The following PELI2 variants were observed in gnomAD, a reference collection of about 807,000 sequenced individuals.
The protein encoded by PELI2 is pellino E3 ubiquitin protein ligase family member 2.
Under a neutral mutation model 42.3 loss-of-function variants are expected in PELI2, and 23 were observed. That is an observed-to-expected ratio of 0.54 (90% CI 0.39 to 0.77). PELI2 has a LOEUF of 0.77. Ranked by LOEUF, PELI2 falls within the 30% of genes least tolerant of loss-of-function variation. The probability of loss-of-function intolerance (pLI) is 0.00; values close to 1 mark genes in which losing one functional copy is unlikely to be tolerated. For synonymous variants in PELI2, 245 were observed against 212.2 expected (o/e 1.15, Z -1.34); for missense variants, 463 against 553.2 (o/e 0.84, Z 1.64).
At chr14:56,238,019 A>G (rs1887856759) in intron 2 of PELI2, among the ~76,000 whole-genome samples, 1 of 152,160 alleles carries the variant, frequency 6.6e-6, no homozygotes, top group Admixed American at 6.5e-5. Context: ...TTCTTTTTTA[A>G]TGGGCATATT....
chr14:56,153,490 G>C (rs926585774), intron 1 of PELI2, among the ~76,000 whole-genome samples: 3 of 152,102 alleles, frequency 2.0e-5, no homozygotes, highest in African/African-American at 7.2e-5. Context: ...TATTCTTTTA[G>C]GCATTGATCC....
intron 2 of PELI2, among the ~76,000 whole-genome samples, chr14:56,240,686 G>A (rs925903058): frequency 6.6e-6 from 1 of 152,090 alleles, no homozygotes; most frequent in African/African-American, 2.4e-5. Context: ...AAGAGGAAAC[G>A]GAGTAGCTCT....
intron 5 of PELI2, among the ~76,000 whole-genome samples, chr14:56,295,242 G>A (rs938374640): frequency 6.6e-6 from 1 of 152,068 alleles, no homozygotes; most frequent in African/African-American, 2.4e-5. Context: ...TTCTAGAAGT[G>A]ACCTTTTTGA....
intron 3 of PELI2, among the ~76,000 whole-genome samples, chr14:56,283,057 T>G (rs1157955162): frequency 6.6e-6 from 1 of 152,214 alleles, no homozygotes; most frequent in Non-Finnish European, 1.5e-5. Context: ...TGTGAGACAT[T>G]AAATTCCTTT....
intron 2 of PELI2, among the ~76,000 whole-genome samples, chr14:56,185,001 T>A (rs975703104): frequency 6.6e-6 from 1 of 152,122 alleles, no homozygotes; most frequent in Non-Finnish European, 1.5e-5. Flanking sequence ...AAATGTGTAA[T>A]TCATATTATT....
chr14:56,158,513 T>G lies in PELI2; in HGVS notation c.78-19822T>G, dbSNP rs138659114. 2.0e-4 allele frequency among the ~76,000 whole-genome samples: 30 copies of G among 151,706 alleles called. No individual in the cohort carries two copies. The East Asian group carries it at 5.8e-3, about 30-fold the overall frequency. On this transcript the variant is annotated intron_variant, in intron 1 of 5. Transcript: ENST00000267460. The stretch of plus-strand genomic sequence containing the variant: ...CATGCCACCACACCTGGCTAATTTT[T>G]ATATTTTATTTATTTACTTTTTGTA...
chr14:56,229,783 G>A (rs942387438), intron 2 of PELI2, among the ~76,000 whole-genome samples: 9 of 152,038 alleles, frequency 5.9e-5, no homozygotes, highest in Non-Finnish European at 8.8e-5. Context: ...TCAGACGATC[G>A]GTAATAATAA....
At chr14:56,244,906 A>G (rs1031179897) in intron 2 of PELI2, among the ~76,000 whole-genome samples, 1 of 152,220 alleles carries the variant, frequency 6.6e-6, no homozygotes, top group Non-Finnish European at 1.5e-5. Context: ...CAATGACAGA[A>G]ATAAGAAATA....
At chr14:56,249,927 C>G (rs1888285943) in intron 2 of PELI2, among the ~76,000 whole-genome samples, 4 of 152,160 alleles carry the variant, frequency 2.6e-5, no homozygotes, top group Non-Finnish European at 4.4e-5. Context: ...TTTGGGAGAT[C>G]TGTTTGACTT....
chr14:56,119,103 G>T (rs1254781216), intron 1 of PELI2: 1 of 152,970 alleles, frequency 6.5e-6, no homozygotes, highest in Non-Finnish European at 1.5e-5. Flanking sequence ...GGCGGGCAGG[G>T]ACTCCATGTG....
rs4038318 is a variant in PELI2, at chr14:56,197,969, GAC to G, written c.207+19548_207+19549del. On this transcript the variant is annotated intron_variant, in intron 2 of 5. Transcript: ENST00000267460. The surrounding 1 kb of genome is among the most constrained non-coding windows in gnomAD (Gnocchi z 4.9). ...CACACCAGGGATCATGACTGGTGAA[GAC>G]ACACACACACACACACACACACACA... Among the ~76,000 whole-genome samples, 4,444 of 129,638 alleles carry G rather than the reference GAC, an allele frequency of 0.034. 72 individuals are homozygous for G. Among genetic ancestry groups the G allele is most frequent in the East Asian group, 0.086 (368 of 4,270 alleles). 85.0% of individuals were successfully genotyped at this position (129,638 alleles called of 152,430 possible).
chr14:56,275,209 G>A (rs1255217790), intron 2 of PELI2, among the ~76,000 whole-genome samples: 2 of 152,064 alleles, frequency 1.3e-5, no homozygotes, highest in Non-Finnish European at 2.9e-5. Context: ...GGCGACCTGC[G>A]TTCTCATCAC....
intron 2 of PELI2, among the ~76,000 whole-genome samples, chr14:56,270,915 C>T (rs1415056156): frequency 6.6e-6 from 1 of 152,108 alleles, no homozygotes; most frequent in Non-Finnish European, 1.5e-5. Flanking sequence ...GTGGTTATTC[C>T]ATTTTTCTAA....
intron 1 of PELI2, among the ~76,000 whole-genome samples, chr14:56,148,749 T>C (rs2139617289): frequency 6.6e-6 from 1 of 152,348 alleles, no homozygotes; most frequent in Non-Finnish European, 1.5e-5. Flanking sequence ...GTGTGTTTGC[T>C]TCTGCTCCCC....
intron 2 of PELI2, among the ~76,000 whole-genome samples, chr14:56,201,080 G>A (rs1886315826): frequency 6.6e-6 from 1 of 152,138 alleles, no homozygotes; most frequent in South Asian, 2.1e-4. Context: ...GCACTGGCCT[G>A]TGCATTTGGA....
At chr14:56,166,443 GTACT>G (rs1489457622) in intron 1 of PELI2, among the ~76,000 whole-genome samples, 4 of 152,006 alleles carry the variant, frequency 2.6e-5, no homozygotes, top group Non-Finnish European at 5.9e-5. Context: ...GTTTTTCTGT[GTACT>G]TACTGTTAGT....
At chr14:56,214,857 G>A (rs1477690355) in intron 2 of PELI2, among the ~76,000 whole-genome samples, 1 of 152,190 alleles carries the variant, frequency 6.6e-6, no homozygotes, top group East Asian at 1.9e-4. Flanking sequence ...CACAGCCTCG[G>A]GAGAAATGAC....
At chr14:56,130,829 G>T (rs1218455268) in intron 1 of PELI2, among the ~76,000 whole-genome samples, 1 of 152,178 alleles carries the variant, frequency 6.6e-6, no homozygotes, top group Non-Finnish European at 1.5e-5. Context: ...TAGTTTTCAA[G>T]ATGATCCATT....
chr14:56,167,154 T>C (rs1330097359), intron 1 of PELI2, among the ~76,000 whole-genome samples: 1 of 152,204 alleles, frequency 6.6e-6, no homozygotes, highest in Admixed American at 6.5e-5. Context: ...GTATTCTTCT[T>C]TGGATTAAAT....
Sources: gnomAD v4.1 joint callset for allele counts (sites outside exome capture counted in the v4.1 genomes callset) on GRCh38, gnomAD v4.1.1 for gene constraint, Gnocchi (gnomAD v3.1) non-coding constraint, MANE v1.5 for transcripts, NCBI Gene and HGNC (gene_info 2026-07-23, HGNC 2026-07-21) for gene names.